Variants in ZSCAN25 observed in about 807,000 individuals in gnomAD.
ZSCAN25 encodes the protein zinc finger and SCAN domain containing 25, also known as zinc finger and SCAN domain-containing protein 25.
Under a neutral mutation model 38.7 loss-of-function variants are expected in ZSCAN25, and 27 were observed. That is an observed-to-expected ratio of 0.70 (90% CI 0.51 to 0.96). The LOEUF is 0.96. Ranked by LOEUF, ZSCAN25 falls within the 40% of genes least tolerant of loss-of-function variation. The pLI, the probability that ZSCAN25 is intolerant of heterozygous loss-of-function variation, is 0.00. For synonymous variants in ZSCAN25, 273 were observed against 277.7 expected (o/e 0.98, Z 0.17); for missense variants, 637 against 705.9 (o/e 0.90, Z 1.11).
At chr7:99,676,432 T>G in the ZSCAN25 span, 5 of 1,475,960 alleles carry the variant, frequency 3.4e-6, no homozygotes, top group South Asian at 1.1e-5. Context: ...GCAGCTGAAG[T>G]CTTCATAGTC....
the ZSCAN25 span, chr7:99,730,835 T>G: frequency 1.9e-6 from 1 of 525,358 alleles, no homozygotes; most frequent in East Asian, 3.3e-5. Context: ...GATTGCTGGA[T>G]CTACTTGACA....
the ZSCAN25 span, chr7:99,710,668 G>C: frequency 6.2e-7 from 1 of 1,612,298 alleles, no homozygotes; most frequent in Non-Finnish European, 8.5e-7. Flanking sequence ...CCTGGGAAGT[G>C]GTGAGGAAGC....
At chr7:99,719,607 T>C in the ZSCAN25 span, among the ~76,000 whole-genome samples, 1 of 150,542 alleles carries the variant, frequency 6.6e-6, no homozygotes, top group South Asian at 2.1e-4. Context: ...TAAAAAAATA[T>C]TAATACATTG....
chr7:99,691,356 A>G, the ZSCAN25 span, among the ~76,000 whole-genome samples: 1 of 152,208 alleles, frequency 6.6e-6, no homozygotes, highest in Non-Finnish European at 1.5e-5. Flanking sequence ...TGACGAGTTA[A>G]TGGGTGTGGC....
chr7:99,700,280 G>A, the ZSCAN25 span, among the ~76,000 whole-genome samples: 1 of 152,180 alleles, frequency 6.6e-6, no homozygotes, highest in Non-Finnish European at 1.5e-5. Context: ...AACTTAATCA[G>A]TTTTATCAGG....
the ZSCAN25 span, chr7:99,699,901 A>C: frequency 9.5e-7 from 1 of 1,050,426 alleles, no homozygotes; most frequent in Admixed American, 1.7e-5. Flanking sequence ...ATGAGGGAAC[A>C]GGGGCCTGAG....
the ZSCAN25 span, chr7:99,652,411 G>T: frequency 1.9e-4 from 104 of 550,106 alleles, no homozygotes; most frequent in East Asian, 4.6e-4. Flanking sequence ...TGTAAAGTTT[G>T]ATAATTATCA....
intron 5 of ZSCAN25, chr7:99,621,915 GCTTTCTTTCTTT>G (rs544000828): frequency 1.0e-5 from 2 of 196,492 alleles, no homozygotes; most frequent in East Asian, 1.2e-4. Context: ...GTAATATGTA[GCTTTCTTTCTTT>G]CTTTCTTTCT....
chr7:99,665,611 T>C, the ZSCAN25 span, among the ~76,000 whole-genome samples: 8 of 152,246 alleles, frequency 5.3e-5, no homozygotes, highest in Non-Finnish European at 8.8e-5. Context: ...TACAGTAGCA[T>C]GTGTTGAGTG....
the ZSCAN25 span, among the ~76,000 whole-genome samples, chr7:99,678,377 T>A: frequency 6.6e-6 from 1 of 152,240 alleles, no homozygotes; most frequent in East Asian, 1.9e-4. Context: ...TGGAAGCCTT[T>A]GCTATCGTCA....
the ZSCAN25 span, chr7:99,663,724 A>G: frequency 4.5e-6 from 5 of 1,121,054 alleles, no homozygotes; most frequent in African/African-American, 1.6e-5. Context: ...TTTTATCTCA[A>G]TACTGTTTAT....
chr7:99,676,764 A>G, the ZSCAN25 span, among the ~76,000 whole-genome samples: 3 of 152,118 alleles, frequency 2.0e-5, no homozygotes, highest in Non-Finnish European at 4.4e-5. Context: ...AGCCCTTCTT[A>G]AACGTTCATT....
chr7:99,731,572 G>A, the ZSCAN25 span, among the ~76,000 whole-genome samples: 5 of 152,290 alleles, frequency 3.3e-5, no homozygotes, highest in East Asian at 7.7e-4. Flanking sequence ...CTTCTGCAGT[G>A]ATGATGAGAT....
the ZSCAN25 span, among the ~76,000 whole-genome samples, chr7:99,706,250 A>T: frequency 3.9e-5 from 6 of 152,160 alleles, no homozygotes; most frequent in African/African-American, 1.4e-4. Flanking sequence ...GACACAATAG[A>T]GTGATATTCT....
rs1806507655 is a variant in ZSCAN25, at chr7:99,617,014, C to G, written c.-261C>G. 6.6e-6 allele frequency: 1 copy of G among 152,222 alleles called. No homozygotes were observed. The highest frequency in any genetic ancestry group is 2.4e-5 in the African/African-American group (1 of 41,450). The allele number at this position is 152,222 out of a possible 1,614,324, so 9.4% of individuals were successfully genotyped here. On this transcript the variant is annotated splice_region_variant and 5_prime_UTR_variant, in exon 1 of 8. Transcript: ENST00000394152. ...GGTGAGAGGCCCTTCAGGGCCGCGG[C>G]GGGTGAGAGCCTCTTCAGGGCCGCA...
the ZSCAN25 span, chr7:99,708,954 G>T: frequency 2.0e-6 from 3 of 1,472,878 alleles, no homozygotes; most frequent in South Asian, 1.1e-5. Flanking sequence ...GATTGTACAA[G>T]CCCAGACTGT....
In ZSCAN25 at chr7:99,621,442, C is replaced by A; in HGVS notation, c.457C>A (p.Gln153Lys). The A allele has an allele frequency of 6.5e-7, 1 of 1,547,010 alleles. No homozygotes were observed. Among genetic ancestry groups the A allele is most frequent in the South Asian group, 1.2e-5 (1 of 81,838 alleles). ...LCRGAWEPGI[Q>K]LGPVEVKPEW... ...CAGAGGCGCTTGGGAGCCAGGCATC[C>A]AGCTGGGGCCAGTGGAGGTCAAGCC... Residue 153 changes from glutamine to lysine, a missense_variant, in exon 5 of 8, where the codon CAG becomes AAG. Coordinates refer to ENST00000394152, the MANE Select transcript of ZSCAN25 (RefSeq NM_145115.3).
the ZSCAN25 span, chr7:99,717,510 C>T: frequency 2.5e-6 from 4 of 1,613,294 alleles, no homozygotes; most frequent in Non-Finnish European, 3.4e-6. Flanking sequence ...AATTAAAACC[C>T]AAGTTATTTT....
rs758811558 is a variant in ZSCAN25, at chr7:99,621,597, G to A, written c.589+23G>A. 5.1e-6 allele frequency: 7 copies of A among 1,365,332 alleles called. No homozygotes were observed. In the African/African-American group the frequency reaches 1.0e-4, roughly 20 times the overall value. The allele number at this position is 1,365,332 out of a possible 1,614,324, so 84.6% of individuals were successfully genotyped here. On this transcript the variant is annotated intron_variant, in intron 5 of 7. Coordinates refer to ENST00000394152, the MANE Select transcript of ZSCAN25 (RefSeq NM_145115.3). Reference sequence around the variant, plus strand: ...AAGGTGAGTAAGACGCAGATAGTGGGGATGTCAGGTCATAGGAAACAGTGC... The same window carrying A: ...AAGGTGAGTAAGACGCAGATAGTGGAGATGTCAGGTCATAGGAAACAGTGC...
Sources: allele counts gnomAD v4.1 joint callset (sites outside exome capture counted in the v4.1 genomes callset), GRCh38; gene constraint gnomAD v4.1.1; transcripts MANE v1.5; gene names NCBI Gene and HGNC (gene_info 2026-07-23, HGNC 2026-07-21).